Variants in SMARCC1 observed in about 807,000 individuals in gnomAD.
SMARCC1 encodes SWI/SNF related BAF chromatin remodeling complex subunit C1.
A neutral mutation model predicts 147.4 loss-of-function variants in SMARCC1; 43 were observed. The ratio of observed to expected loss-of-function variants is 0.29; its 90% confidence interval spans 0.23 to 0.38. The LOEUF is 0.38. Ranked by LOEUF, SMARCC1 falls within the 10% of genes least tolerant of loss-of-function variation. The pLI is 1.00. For synonymous variants in SMARCC1, 495 were observed against 484.4 expected, an observed-to-expected ratio of 1.02 and a Z score of -0.29; for missense variants, 1,119 against 1,381.1, an observed-to-expected ratio of 0.81 and a Z score of 3.01.
chr3:47,697,340 G>A (rs2033866244), intron 11 of SMARCC1, among the ~76,000 whole-genome samples: 1 of 148,346 alleles, frequency 6.7e-6, no homozygotes, highest in South Asian at 2.1e-4. Flanking sequence ...TGGCTCTGTC[G>A]CCCAGGCTGG....
At chr3:47,774,716 A>G (rs1057133816) in intron 1 of SMARCC1, among the ~76,000 whole-genome samples, 1 of 152,052 alleles carries the variant, frequency 6.6e-6, no homozygotes, top group African/African-American at 2.4e-5. Context: ...GCCAATTTTA[A>G]AAACTTTAAA....
At chr3:47,728,040 C>T (rs2034321102) in intron 6 of SMARCC1, among the ~76,000 whole-genome samples, 1 of 144,214 alleles carries the variant, frequency 6.9e-6, no homozygotes, top group African/African-American at 2.6e-5. Flanking sequence ...AATACAGGCA[C>T]GTATCACCAC....
At chr3:47,688,873 G>C (rs1420203492) in intron 13 of SMARCC1, among the ~76,000 whole-genome samples, 1 of 152,106 alleles carries the variant, frequency 6.6e-6, no homozygotes, top group Non-Finnish European at 1.5e-5. Context: ...CACTAGCAGG[G>C]AGGACAAAAA....
chr3:47,691,711 CTG>C (rs912926469), intron 12 of SMARCC1, among the ~76,000 whole-genome samples: 2 of 151,998 alleles, frequency 1.3e-5, no homozygotes, highest in African/African-American at 2.4e-5. Context: ...TCAATAATAA[CTG>C]TAATTGCCAG....
intron 11 of SMARCC1, among the ~76,000 whole-genome samples, chr3:47,694,715 T>C (rs1171274080): frequency 1.3e-5 from 2 of 152,236 alleles, no homozygotes; most frequent in African/African-American, 4.8e-5. Context: ...CACTTTTCCA[T>C]CTACCTTTTA....
At chr3:47,647,528 A>C (rs1284134226) in intron 21 of SMARCC1, among the ~76,000 whole-genome samples, 1 of 152,202 alleles carries the variant, frequency 6.6e-6, no homozygotes, top group African/African-American at 2.4e-5. Flanking sequence ...AAAGCCAAGA[A>C]CCATCTGTAT....
intron 6 of SMARCC1, among the ~76,000 whole-genome samples, chr3:47,722,005 A>T (rs566543182): frequency 4.4e-4 from 67 of 152,130 alleles, no homozygotes; most frequent in Middle Eastern, 3.2e-3. Flanking sequence ...CTGGGCAAAA[A>T]TGAGTCTCCA....
chr3:47,604,339 A>G (rs1000393896), intron 26 of SMARCC1: 12 of 454,018 alleles, frequency 2.6e-5, no homozygotes, highest in African/African-American at 2.2e-4. Flanking sequence ...CACTTCCCCA[A>G]CCTTACTGGC....
At chr3:47,738,332 A>G (rs1188102128) in intron 3 of SMARCC1, among the ~76,000 whole-genome samples, 1 of 152,238 alleles carries the variant, frequency 6.6e-6, no homozygotes, top group Non-Finnish European at 1.5e-5. Context: ...TATCAATTCC[A>G]TGACATATCT....
At chr3:47,645,393 T>C (rs1451881879) in intron 21 of SMARCC1, among the ~76,000 whole-genome samples, 3 of 150,534 alleles carry the variant, frequency 2.0e-5, no homozygotes, top group Non-Finnish European at 3.0e-5. Flanking sequence ...TTAAAATGAG[T>C]AAAATTGAAG....
intron 7 of SMARCC1, among the ~76,000 whole-genome samples, chr3:47,718,839 A>G (rs2034193883): frequency 6.6e-6 from 1 of 152,168 alleles, no homozygotes; most frequent in Admixed American, 6.5e-5. Flanking sequence ...AGGTTTAGAA[A>G]AATATAGTAC....
chr3:47,640,182 G>C (rs1046068532), intron 21 of SMARCC1, among the ~76,000 whole-genome samples: 1 of 152,054 alleles, frequency 6.6e-6, no homozygotes, highest in Admixed American at 6.6e-5. Flanking sequence ...CAAAGTATAT[G>C]AGCTCCATGT....
intron 7 of SMARCC1, among the ~76,000 whole-genome samples, chr3:47,717,024 T>C (rs769516629): frequency 6.6e-5 from 10 of 152,226 alleles, no homozygotes; most frequent in Non-Finnish European, 1.2e-4. Context: ...CAAAGCTGAC[T>C]TGATTTAGTT....
intron 7 of SMARCC1, among the ~76,000 whole-genome samples, chr3:47,719,105 G>A (rs1376748285): frequency 6.6e-6 from 1 of 151,626 alleles, no homozygotes; most frequent in Non-Finnish European, 1.5e-5. Flanking sequence ...AGTAGAGACG[G>A]GGGTTTCACC....
intron 17 of SMARCC1, 66 bp downstream of exon 17, chr3:47,676,563 A>G: frequency 8.7e-7 from 1 of 1,153,038 alleles, no homozygotes; most frequent in Non-Finnish European, 1.3e-6. Context: ...ATTGTTTCTA[A>G]ATAGATATGC....
At chr3:47,640,860 G>C (rs911074160) in intron 21 of SMARCC1, among the ~76,000 whole-genome samples, 1 of 151,918 alleles carries the variant, frequency 6.6e-6, no homozygotes, top group Admixed American at 6.6e-5. Context: ...AAAAAGAATA[G>C]AGCAATATGT....
At chr3:47,700,452 G>A (rs952401157) in intron 11 of SMARCC1, among the ~76,000 whole-genome samples, 2 of 152,130 alleles carry the variant, frequency 1.3e-5, no homozygotes, top group Non-Finnish European at 1.5e-5. Flanking sequence ...GGCTCACTGA[G>A]GACACAAACA....
chr3:47,689,416 C>T lies in SMARCC1; in HGVS notation c.1234G>A (p.Asp412Asn), dbSNP rs762323476. Residue 412 changes from aspartate to asparagine, a missense_variant, in exon 13 of 28, where the codon GAT (aspartate) becomes AAT (asparagine). By Grantham distance (23) the Asp-to-Asn change is conservative (BLOSUM62 1). Around this residue, in one of 6 missense-constraint regions of SMARCC1, gnomAD observed 542 missense variants for 611.8 expected, o/e 0.89. Transcript: ENST00000254480. ...CCTCCTGCTGTGACTGTTTCTTCAT[C>T]CTGCTCATCTGCAAAACCAAAACAC... is the stretch of plus-strand genomic sequence containing the variant. ...GGTVADLDEQ[D>N]EETVTAGGKE... 1.2e-6 allele frequency: 2 copies of T among 1,613,384 alleles called. No homozygotes were observed. The highest frequency in any genetic ancestry group is 1.1e-5 in the South Asian group (1 of 91,060).
In SMARCC1 at chr3:47,729,033, T is replaced by C. The variant is rs754903313; in HGVS notation, c.638A>G (p.Gln213Arg). 4 of 1,608,886 alleles carry C rather than the reference T, an allele frequency of 2.5e-6. No individual in the cohort carries two copies. The South Asian group carries it at 4.4e-5, about 18-fold the overall frequency. Residue 213 changes from glutamine (Q) to arginine (R), a missense_variant, in exon 6 of 28, where the codon CAA becomes CGA. By Grantham distance (43) the Gln-to-Arg change is conservative (BLOSUM62 1). Around this residue, in one of 6 missense-constraint regions of SMARCC1, gnomAD observed 542 missense variants for 611.8 expected, o/e 0.89. Coordinates refer to ENST00000254480, the MANE Select transcript of SMARCC1 (RefSeq NM_003074.4). The part of the protein sequence containing the change: ...SHHIYPYSSS[Q>R]DDEEWLRPVM... Reference sequence around the variant, plus strand: ...ACGCAAAACTAACTTACCATCGTCTTGTGAGGAAGAATATGGGTAAATGTG... The same window carrying C: ...ACGCAAAACTAACTTACCATCGTCTCGTGAGGAAGAATATGGGTAAATGTG...
Sources: gnomAD v4.1 joint callset for allele counts (sites outside exome capture counted in the v4.1 genomes callset) on GRCh38, gnomAD v4.1.1 for gene constraint, gnomAD v4.1.1 regional missense constraint, MANE v1.5 for transcripts, NCBI Gene and HGNC (gene_info 2026-07-23, HGNC 2026-07-21) for gene names.